BNC2: variants seen among roughly 807,000 people sequenced by gnomAD.
BNC2 encodes the protein basonuclin zinc finger protein 2.
A neutral mutation model predicts 76.3 loss-of-function variants in BNC2; 20 were observed. That is an observed-to-expected ratio of 0.26 (90% confidence interval 0.18 to 0.38). The LOEUF (loss-of-function observed/expected upper bound fraction) is 0.38, where lower values mean the gene tolerates loss of function less well. BNC2 is among the 10% of genes least tolerant of loss of function. The pLI, the probability that BNC2 is intolerant of heterozygous loss-of-function variation, is 1.00. For synonymous variants in BNC2, 582 were observed against 514.8 expected (o/e 1.13, Z -1.77); for missense variants, 1,382 against 1,399.8 (o/e 0.99, Z 0.20).
intron 5 of BNC2, among the ~76,000 whole-genome samples, chr9:16,489,267 G>A (rs1822225162): frequency 6.6e-6 from 1 of 151,904 alleles, no homozygotes; most frequent in Non-Finnish European, 1.5e-5. Context: ...ATCTCAATTT[G>A]GTATGGAATA....
chr9:16,450,417 C>A (rs1334160189), intron 5 of BNC2, among the ~76,000 whole-genome samples: 1 of 152,192 alleles, frequency 6.6e-6, no homozygotes, highest in Non-Finnish European at 1.5e-5. Context: ...AAACATCTGG[C>A]ATTCTGAGAT....
At chr9:16,648,278 G>A (rs1821692599) in intron 3 of BNC2, among the ~76,000 whole-genome samples, 1 of 152,140 alleles carries the variant, frequency 6.6e-6, no homozygotes, top group Admixed American at 6.5e-5. Flanking sequence ...CATACACTTG[G>A]CTGTTTTTAA....
At chr9:16,559,211 C>T in intron 4 of BNC2, among the ~76,000 whole-genome samples, 1 of 152,122 alleles carries the variant, frequency 6.6e-6, no homozygotes. Flanking sequence ...CAAACCATGG[C>T]CCAGGATGGC....
chr9:16,737,238 C>CTTTTTTTTTTTTTTTTTTTT lies in BNC2; in HGVS notation c.129+1102_129+1121dup, dbSNP rs559930240. Among the ~76,000 whole-genome samples, 3 of 91,302 alleles carry CTTTTTTTTTTTTTTTTTTTT rather than the reference C, an allele frequency of 3.3e-5. 1 individual carries two copies. The highest frequency in any genetic ancestry group is 3.9e-5 in the Non-Finnish European group (2 of 51,010). 59.9% of individuals were successfully genotyped at this position (91,302 alleles called of 152,430 possible). ...TCCCACCTCAGCCACCACACCTGGC[C>CTTTTTTTTTTTTTTTTTTTT]TTTTTTTTTTTTTTTTTTTTTTTTC... On this transcript the variant is annotated intron_variant, in intron 2 of 6. Coordinates refer to ENST00000380672, the MANE Select transcript of BNC2 (RefSeq NM_017637.6).
chr9:16,824,923 G>C (rs10810640), intron 1 of BNC2, among the ~76,000 whole-genome samples: 37,119 of 151,956 alleles, frequency 0.24, 5,213 homozygotes, highest in East Asian at 0.53. Context: ...ACGAAGATAC[G>C]GTTTGACCAG....
rs1820517471 is a variant in BNC2, at chr9:16,413,414, A to C, written c.*5575T>G. ...GATTTGGATTAAAATCATTTGGATT[A>C]AAAAAGATTTGGATTAATCTTTTGG... On this transcript the variant is annotated 3_prime_UTR_variant, in exon 7 of 7. Transcript: ENST00000380672. 1 of 143,614 alleles carries C rather than the reference A, an allele frequency of 7.0e-6. No individual in the cohort carries two copies. The highest frequency in any genetic ancestry group is 1.5e-5 in the Non-Finnish European group (1 of 67,972). 8.9% of individuals were successfully genotyped at this position (143,614 alleles called of 1,614,324 possible).
chr9:16,727,950 G>C lies in BNC2; in HGVS notation c.177C>G (p.Asp59Glu), dbSNP rs1824396530. 4.3e-6 allele frequency: 7 copies of C among 1,614,006 alleles called. No homozygotes were observed. In the South Asian group the frequency reaches 6.6e-5, roughly 15 times the overall value. The part of the protein sequence containing the change: ...VDVRERETQR[D>E]REPKRARDLT... ...AGTCTCTTGCCCTCTTTGGCTCTCT[G>C]TCTCTCTGTGTCTCTCTTTCTCTCA... Residue 59 changes from aspartate (D) to glutamate (E), a missense_variant, in exon 3 of 7, where the codon GAC becomes GAG. By Grantham distance (45) the Asp-to-Glu change is conservative. Transcript: ENST00000380672.
At chr9:16,865,187 A>G (rs1819514694) in intron 1 of BNC2, among the ~76,000 whole-genome samples, 1 of 152,090 alleles carries the variant, frequency 6.6e-6, no homozygotes, top group Admixed American at 6.6e-5. Context: ...ATGAACCACA[A>G]GTTCCAAGAC....
At chr9:16,783,945 T>C (rs1053896369) in intron 1 of BNC2, among the ~76,000 whole-genome samples, 3 of 152,258 alleles carry the variant, frequency 2.0e-5, no homozygotes, top group Non-Finnish European at 4.4e-5. Flanking sequence ...TGTTGGAAGA[T>C]TTTAGAATAA....
intron 1 of BNC2, among the ~76,000 whole-genome samples, chr9:16,762,919 T>C (rs1413349559): frequency 1.3e-5 from 2 of 152,148 alleles, no homozygotes; most frequent in African/African-American, 4.8e-5. Context: ...AGCATCCCTA[T>C]GAGATCAAAG....
intron 3 of BNC2, among the ~76,000 whole-genome samples, chr9:16,658,630 A>G (rs1027163948): frequency 7.9e-5 from 12 of 152,298 alleles, no homozygotes; most frequent in Admixed American, 2.0e-4. Context: ...AAATTCTGGG[A>G]AAGATCATAG....
chr9:16,463,603 T>G (rs1821637325), intron 5 of BNC2, among the ~76,000 whole-genome samples: 1 of 152,032 alleles, frequency 6.6e-6, no homozygotes, highest in Non-Finnish European at 1.5e-5. Context: ...GCCAAATTCT[T>G]GACTAATCTA....
intron 3 of BNC2, among the ~76,000 whole-genome samples, chr9:16,691,976 A>C (rs966285460): frequency 1.3e-5 from 2 of 151,328 alleles, no homozygotes; most frequent in African/African-American, 4.9e-5. Flanking sequence ...ATGCCTGGCT[A>C]ATTTTTGTAC....
At chr9:16,845,549 A>G (rs187522967) in intron 1 of BNC2, among the ~76,000 whole-genome samples, 3,001 of 150,212 alleles carry the variant, frequency 0.02, 43 homozygotes, top group Admixed American at 0.042. Context: ...GTGAAACCCC[A>G]TCTCTACTAA....
chr9:16,462,405 T>C (rs1051897440), intron 5 of BNC2, among the ~76,000 whole-genome samples: 1 of 152,172 alleles, frequency 6.6e-6, no homozygotes. Flanking sequence ...CTCTACCTTC[T>C]CCAAAGCTTG....
chr9:16,664,842 A>G (rs1822221519), intron 3 of BNC2, among the ~76,000 whole-genome samples: 2 of 147,384 alleles, frequency 1.4e-5, no homozygotes, highest in Non-Finnish European at 3.0e-5. Flanking sequence ...TCCACGTGAA[A>G]TGTGAGCACC....
At chr9:16,532,564 A>G (rs555010935) in intron 5 of BNC2, among the ~76,000 whole-genome samples, 7 of 152,210 alleles carry the variant, frequency 4.6e-5, no homozygotes, top group African/African-American at 1.7e-4. Context: ...GCTGATTGCT[A>G]AACATTCGGA....
chr9:16,514,727 T>C (rs1176482070), intron 5 of BNC2, among the ~76,000 whole-genome samples: 1 of 152,202 alleles, frequency 6.6e-6, no homozygotes, highest in Non-Finnish European at 1.5e-5. Context: ...TTAATTTCTA[T>C]AGTCACCAGG....
At chr9:16,841,169 G>A (rs995836439) in intron 1 of BNC2, among the ~76,000 whole-genome samples, 9 of 152,058 alleles carry the variant, frequency 5.9e-5, no homozygotes, top group Non-Finnish European at 8.8e-5. Context: ...GATATCCACC[G>A]TTTTAATGAG....
Sources: allele counts gnomAD v4.1 joint callset (sites outside exome capture counted in the v4.1 genomes callset), GRCh38; gene constraint gnomAD v4.1.1; transcripts MANE v1.5; gene names NCBI Gene and HGNC (gene_info 2026-07-23, HGNC 2026-07-21).